Variants in PIEZO2 observed in about 807,000 individuals in gnomAD.
The protein encoded by PIEZO2 is piezo-type mechanosensitive ion channel component 2.
A neutral mutation model predicts 337.3 loss-of-function variants in PIEZO2; 172 were observed. The observed-to-expected ratio is 0.51, with a 90% CI of 0.45 to 0.58. The LOEUF (loss-of-function observed/expected upper bound fraction) is 0.58, where lower values mean the gene tolerates loss of function less well. Among genes scored for constraint, PIEZO2 ranks in the 20% least tolerant of loss-of-function variants. The pLI, the probability that PIEZO2 is intolerant of heterozygous loss-of-function variation, is 0.00. For synonymous variants in PIEZO2, 1,251 were observed against 1,228.5 expected (o/e 1.02, Z -0.38); for missense variants, 3,028 against 3,391.3 (o/e 0.89, Z 2.66).
intron 36 of PIEZO2, among the ~76,000 whole-genome samples, chr18:10,720,399 GTGTGTATGTGTATGTGTA>G (rs1288503165): frequency 7.6e-3 from 69 of 9,124 alleles, no homozygotes; most frequent in South Asian, 0.018. Context: ...GTGTGTGTGT[GTGTGTATGTGTATGTGTA>G]TGTATATATA....
Position 11,105,683 on chromosome 18 carries a change from C to T in PIEZO2, c.65-39461G>A, listed in dbSNP as rs2039537813. ...AAAGCAATATTTCAACATCACGTGT[C>T]CTCTGAAAGCCTGAGCTGGGGAATG... On this transcript the variant is annotated intron_variant, in intron 1 of 55. Transcript: ENST00000674853. The surrounding 1 kb of genome is among the most constrained non-coding windows in gnomAD (Gnocchi z 4.3). Among the ~76,000 whole-genome samples, 1 of 152,156 alleles carries T rather than the reference C, an allele frequency of 6.6e-6. No homozygotes were observed. Among genetic ancestry groups the T allele is most frequent in the Admixed American group, 6.5e-5 (1 of 15,278 alleles).
Position 10,807,155 on chromosome 18 carries a change from T to C in PIEZO2, c.1037A>G (p.Tyr346Cys), listed in dbSNP as rs1158936000. Residue 346 changes from tyrosine to cysteine, a missense_variant, in exon 8 of 56, where the codon TAC becomes TGC. This residue lies in a region of PIEZO2 where 542 missense variants were observed against 605.6 expected (regional missense o/e 0.89). Transcript: ENST00000674853. ...GATGCGGATCAGAGTGGCCAGAGTG[T>C]AGTACATCACCAGCAGGAGGATAGG... ...ANPILLLVMY[Y>C]TLATLIRIWL... 2 of 1,537,128 alleles carry C rather than the reference T, an allele frequency of 1.3e-6. No individual in the cohort carries two copies. The highest frequency in any genetic ancestry group is 2.7e-5 in the African/African-American group (2 of 73,040).
intron 36 of PIEZO2, chr18:10,725,182 C>A: frequency 6.5e-7 from 1 of 1,536,156 alleles, no homozygotes; most frequent in Non-Finnish European, 9.0e-7. Context: ...GTTCATCCAT[C>A]AGGCAGTTGG....
chr18:10,896,958 C>T (rs1444015276), intron 4 of PIEZO2, among the ~76,000 whole-genome samples: 6 of 152,218 alleles, frequency 3.9e-5, no homozygotes, highest in Admixed American at 3.9e-4. Flanking sequence ...CTCAACCACC[C>T]CACATAAGGT....
rs1471557973 is a variant in PIEZO2 at position 10,696,435 on chromosome 18, G to T, written c.6932C>A (p.Thr2311Asn). ...DVYVLMFLAD[T>N]VDFIIIVFGF... ...GAAGACAATGATGATGAAGTCCACA[G>T]TGTCAGCCAGGAACATGAGTACATA... The change falls in exon 46 of 56, where the codon ACT becomes AAT. Residue 2311 changes from threonine (T) to asparagine (N), a missense_variant. Transcript: ENST00000674853. 1 of 1,614,130 alleles carries T rather than the reference G, an allele frequency of 6.2e-7. No homozygotes were observed. Among genetic ancestry groups the T allele is most frequent in the Non-Finnish European group, 8.5e-7 (1 of 1,180,056 alleles).
intron 43 of PIEZO2, 33 bp from the exon 44 acceptor site, chr18:10,699,210 A>G (rs570866546): frequency 3.9e-6 from 6 of 1,536,692 alleles, no homozygotes; most frequent in Admixed American, 3.9e-5. Context: ...AAATGAGGCT[A>G]CTGTTTCAGG....
chr18:11,091,221 T>C (rs1255810060), intron 1 of PIEZO2, among the ~76,000 whole-genome samples: 2 of 151,362 alleles, frequency 1.3e-5, no homozygotes, highest in Admixed American at 1.3e-4. Context: ...CCGTCTCTAC[T>C]AAAAATACAA....
Position 10,726,333 on chromosome 18 carries a change from C to A in PIEZO2, c.5029+5074G>T. On this transcript the variant is annotated intron_variant, in intron 36 of 55. Transcript: ENST00000674853. The surrounding 1 kb of genome is among the most constrained non-coding windows in gnomAD (Gnocchi z 5.9). ...GGAGCAGGTGGGTCCCCGAACGCCCCGCCCAGCGCTGCCTCCCTTCGCCTT... is the reference window on the plus strand; with the variant it reads ...GGAGCAGGTGGGTCCCCGAACGCCCAGCCCAGCGCTGCCTCCCTTCGCCTT... The A allele has an allele frequency of 2.1e-6, 3 of 1,449,002 alleles. No homozygotes were observed. Among genetic ancestry groups the A allele is most frequent in the Non-Finnish European group, 2.8e-6 (3 of 1,086,512 alleles). 89.8% of individuals were successfully genotyped at this position (1,449,002 alleles called of 1,614,324 possible). A position where few individuals can be genotyped will look rare whatever the true frequency, so the allele number is the denominator to read the frequency against.
Position 10,895,168 on chromosome 18 carries a change from G to A in PIEZO2, c.329+16018C>T, listed in dbSNP as rs62085167. On this transcript the variant is annotated intron_variant, in intron 4 of 55. Coordinates refer to ENST00000674853, the MANE Select transcript of PIEZO2 (RefSeq NM_001378183.1). The surrounding 1 kb of genome is among the most constrained non-coding windows in gnomAD (Gnocchi z 4.8). ...GTAGAAAGTCAACAGCCTCATGGCCGAGCATGGTGGCTCATGCCTGTAATC... is the reference window on the plus strand; with the variant it reads ...GTAGAAAGTCAACAGCCTCATGGCCAAGCATGGTGGCTCATGCCTGTAATC... 0.012 allele frequency among the ~76,000 whole-genome samples: 1,760 copies of A among 152,280 alleles called. 28 individuals are homozygous for A. Among genetic ancestry groups the A allele is most frequent in the Middle Eastern group, 0.071 (21 of 294 alleles).
At position 10,766,183 on chromosome 18, in the gene PIEZO2, T is replaced by C. The variant is rs1293863837; in HGVS notation, c.2947-3085A>G. Among the ~76,000 whole-genome samples the C allele has an allele frequency of 1.3e-5, 2 of 151,684 alleles. No homozygotes were observed. Among genetic ancestry groups the C allele is most frequent in the Non-Finnish European group, 2.9e-5 (2 of 67,982 alleles). On this transcript the variant is annotated intron_variant, in intron 21 of 55. Coordinates refer to ENST00000674853, the MANE Select transcript of PIEZO2 (RefSeq NM_001378183.1). This position sits in a 1 kb window ranked among gnomAD's most constrained non-coding sequence, Gnocchi z 6.1. ...AGAGATCATGATCTCATCATTTTCC[T>C]GATGGTAAGAATCTCGTGGAAGGAA...
At position 10,813,199 on chromosome 18, in the gene PIEZO2, T is replaced by C. The variant is rs886110925; in HGVS notation, c.918-5925A>G. On this transcript the variant is annotated intron_variant, in intron 7 of 55. Coordinates refer to ENST00000674853, the MANE Select transcript of PIEZO2 (RefSeq NM_001378183.1). The surrounding 1 kb of genome is among the most constrained non-coding windows in gnomAD (Gnocchi z 4.2). Reference sequence around the variant, plus strand: ...TTTCACCATGTTGGCCAGGCTGGTCTCCAACTCCTGACCTCGTGATTTGCC... The same window carrying C: ...TTTCACCATGTTGGCCAGGCTGGTCCCCAACTCCTGACCTCGTGATTTGCC... 6.6e-6 allele frequency among the ~76,000 whole-genome samples: 1 copy of C among 152,154 alleles called. No individual in the cohort carries two copies. The highest frequency in any genetic ancestry group is 1.5e-5 in the Non-Finnish European group (1 of 68,026).
intron 1 of PIEZO2, among the ~76,000 whole-genome samples, chr18:11,106,358 A>G (rs1261137284): frequency 6.7e-6 from 1 of 149,986 alleles, no homozygotes; most frequent in African/African-American, 2.5e-5. Context: ...TCGGCCTCCC[A>G]AAGTGCTGGG....
In PIEZO2 at chr18:11,104,822, C is replaced by T. The variant is rs2039515390; in HGVS notation, c.65-38600G>A. On this transcript the variant is annotated intron_variant, in intron 1 of 55. Coordinates refer to ENST00000674853, the MANE Select transcript of PIEZO2 (RefSeq NM_001378183.1). The surrounding 1 kb of genome is among the most constrained non-coding windows in gnomAD (Gnocchi z 4.6). ...TCTCTTGGGGACCACTCTCCTCCAT[C>T]ATGCTTGATATGGTCCAGGAGTGGT... Among the ~76,000 whole-genome samples, 1 of 152,166 alleles carries T rather than the reference C, an allele frequency of 6.6e-6. No individual in the cohort carries two copies. The highest frequency in any genetic ancestry group is 2.4e-5 in the African/African-American group (1 of 41,442).
chr18:11,078,142 A>C lies in PIEZO2; in HGVS notation c.65-11920T>G, dbSNP rs1487512671. On this transcript the variant is annotated intron_variant, in intron 1 of 55. Coordinates refer to ENST00000674853, the MANE Select transcript of PIEZO2 (RefSeq NM_001378183.1). The surrounding 1 kb of genome is among the most constrained non-coding windows in gnomAD (Gnocchi z 5.3). Reference sequence around the variant, plus strand: ...ACACCATACACACACATACACACACACTCACCACACACACACATACACACA... The same window carrying C: ...ACACCATACACACACATACACACACCCTCACCACACACACACATACACACA... Among the ~76,000 whole-genome samples, 1 of 127,788 alleles carries C rather than the reference A, an allele frequency of 7.8e-6. No individual in the cohort carries two copies. Among genetic ancestry groups the C allele is most frequent in the Admixed American group, 7.2e-5 (1 of 13,924 alleles). 83.8% of individuals were successfully genotyped at this position (127,788 alleles called of 152,430 possible). A position where few individuals can be genotyped will look rare whatever the true frequency, so the allele number is the denominator to read the frequency against.
Position 10,794,793 on chromosome 18 carries a change from CTCTT to C in PIEZO2, c.1733_1736del (p.Lys578SerfsTer19). ...TTACTTTGGAAGCAAGTTCTCCTGG[CTCTT>C]TCTTTTCTAAAAATCCTGGAACTTT... is the stretch of plus-strand genomic sequence containing the variant. On this transcript the variant is annotated frameshift_variant, in exon 13 of 56. Coordinates refer to ENST00000674853, the MANE Select transcript of PIEZO2 (RefSeq NM_001378183.1). LOFTEE classifies it high-confidence loss of function. The surrounding 1 kb of genome is among the most constrained non-coding windows in gnomAD (Gnocchi z 6.6). 1 of 1,534,138 alleles carries C rather than the reference CTCTT, an allele frequency of 6.5e-7. No individual in the cohort carries two copies. The highest frequency in any genetic ancestry group is 8.7e-7 in the Non-Finnish European group (1 of 1,145,408).
chr18:10,930,100 T>C (rs1307529344), intron 3 of PIEZO2, among the ~76,000 whole-genome samples: 1 of 152,220 alleles, frequency 6.6e-6, no homozygotes, highest in Non-Finnish European at 1.5e-5. Flanking sequence ...GAGGTACATC[T>C]AAGTATTTTA....
intron 2 of PIEZO2, among the ~76,000 whole-genome samples, chr18:11,037,336 T>C (rs913730733): frequency 6.6e-6 from 1 of 152,202 alleles, no homozygotes; most frequent in African/African-American, 2.4e-5. Context: ...GTATGCCACG[T>C]AAGAGGAGAG....
intron 4 of PIEZO2, among the ~76,000 whole-genome samples, chr18:10,905,051 T>TA (rs951560943): frequency 3.3e-5 from 5 of 152,172 alleles, no homozygotes; most frequent in Admixed American, 6.5e-5. Flanking sequence ...AATAACAACT[T>TA]AAAAAAATCA....
At chr18:10,718,978 A>AAAATAAATAAAT (rs372748367) in intron 36 of PIEZO2, among the ~76,000 whole-genome samples, 19 of 143,042 alleles carry the variant, frequency 1.3e-4, no homozygotes, top group East Asian at 4.0e-4. Flanking sequence ...GACCTTGTCT[A>AAAATAAATAAAT]AAATAAATAA....
Sources: gnomAD v4.1 joint callset for allele counts (sites outside exome capture counted in the v4.1 genomes callset) on GRCh38, gnomAD v4.1.1 for gene constraint, gnomAD v4.1.1 regional missense constraint, Gnocchi (gnomAD v3.1) non-coding constraint, MANE v1.5 for transcripts, NCBI Gene and HGNC (gene_info 2026-07-23, HGNC 2026-07-21) for gene names.